The following TANC2 variants were observed in gnomAD, a reference collection of about 807,000 sequenced individuals.
TANC2 encodes the protein protein TANC2.
In TANC2, 26 loss-of-function variants were observed where a neutral mutation model predicts 210.5. The observed-to-expected ratio is 0.12, with a 90% CI of 0.09 to 0.17. The LOEUF (loss-of-function observed/expected upper bound fraction) is 0.17, where lower values mean the gene tolerates loss of function less well. Among genes scored for constraint, TANC2 ranks in the 10% least tolerant of loss-of-function variants. The pLI is 1.00. For synonymous variants in TANC2, 931 were observed against 967.1 expected (o/e 0.96, Z 0.69); for missense variants, 2,129 against 2,608.9 (o/e 0.82, Z 4.01).
chr17:63,026,931 C>G (rs940275693), intron 2 of TANC2, among the ~76,000 whole-genome samples: 4 of 152,120 alleles, frequency 2.6e-5, no homozygotes, highest in African/African-American at 9.7e-5. Flanking sequence ...TGCTGCATCC[C>G]TCCATGTTGG....
chr17:63,157,544 A>AT (rs2039880914), intron 5 of TANC2, among the ~76,000 whole-genome samples: 1 of 152,168 alleles, frequency 6.6e-6, no homozygotes. Context: ...CTGTGTTCAT[A>AT]TACCAGTTCT....
chr17:63,322,291 G>A (rs1441683318), intron 11 of TANC2, among the ~76,000 whole-genome samples: 2 of 152,196 alleles, frequency 1.3e-5, no homozygotes, highest in African/African-American at 4.8e-5. Context: ...AAGGTCAGGA[G>A]ATCGAGACCA....
In TANC2 at chr17:63,340,227, C is replaced by T. The variant is rs746776222; in HGVS notation, c.1702C>T (p.Arg568Trp). The T allele has an allele frequency of 2.2e-5, 35 of 1,613,806 alleles. No individual in the cohort carries two copies. Among genetic ancestry groups the T allele is most frequent in the Middle Eastern group, 1.6e-4 (1 of 6,084 alleles). The change falls in exon 12 of 28, where the codon CGG (arginine) becomes TGG (tryptophan). Residue 568 changes from arginine (R) to tryptophan (W), a missense_variant. By Grantham distance (101) the Arg-to-Trp change is moderately radical (BLOSUM62 -3). Coordinates refer to ENST00000689528, the Ensembl canonical transcript of TANC2. ...GACAGCCTATCGGGAGCAGCTTCTT[C>T]GGGAACCTCACCTGCAGAGCATGCT...
At chr17:63,187,203 C>A (rs536714158) in intron 5 of TANC2, among the ~76,000 whole-genome samples, 1 of 152,068 alleles carries the variant, frequency 6.6e-6, no homozygotes, top group Non-Finnish European at 1.5e-5. Context: ...TTGGAGATGA[C>A]GGTATAACTT....
intron 9 of TANC2, among the ~76,000 whole-genome samples, chr17:63,313,966 C>G (rs765703076): frequency 3.3e-5 from 5 of 152,150 alleles, no homozygotes; most frequent in Non-Finnish European, 7.3e-5. Context: ...CCTGGCCTTT[C>G]CAACAGGAAC....
chr17:63,423,194 G>C (rs1430446107), exon 28 of TANC2: 1 of 152,196 alleles, frequency 6.6e-6, no homozygotes, highest in African/African-American at 2.4e-5. Context: ...GTTTATGAGA[G>C]TGTGATATTT....
intron 5 of TANC2, among the ~76,000 whole-genome samples, chr17:63,162,362 A>G (rs985531942): frequency 1.3e-5 from 2 of 152,112 alleles, no homozygotes; most frequent in African/African-American, 2.4e-5. Context: ...ATTGTAATCA[A>G]TGAGTATAAA....
chr17:63,280,044 CAT>C (rs2044013445), intron 9 of TANC2, among the ~76,000 whole-genome samples: 1 of 152,076 alleles, frequency 6.6e-6, no homozygotes, highest in Non-Finnish European at 1.5e-5. Flanking sequence ...ACTCAATTCT[CAT>C]ATGTTTAAAA....
chr17:63,046,759 TA>T (rs1487569040), intron 2 of TANC2, among the ~76,000 whole-genome samples: 3 of 152,212 alleles, frequency 2.0e-5, no homozygotes, highest in African/African-American at 7.2e-5. Context: ...CATTTATGCA[TA>T]ACCAGTAAAG....
intron 7 of TANC2, among the ~76,000 whole-genome samples, chr17:63,215,757 T>G (rs371751203): frequency 3.5e-4 from 53 of 151,692 alleles, no homozygotes; most frequent in Middle Eastern, 3.4e-3. Flanking sequence ...TTATTATTAT[T>G]TTTTTTTTCT....
chr17:63,130,883 A>T (rs538180340), intron 4 of TANC2: 1 of 152,334 alleles, frequency 6.6e-6, no homozygotes, highest in Non-Finnish European at 1.5e-5. Context: ...CAAAGACACC[A>T]CTAAAATCCC....
At chr17:63,385,974 G>T (rs542979519) in intron 15 of TANC2, among the ~76,000 whole-genome samples, 6 of 152,154 alleles carry the variant, frequency 3.9e-5, no homozygotes, top group African/African-American at 1.4e-4. Flanking sequence ...GAGAGGATAC[G>T]TAGAAATAAT....
intron 3 of TANC2, among the ~76,000 whole-genome samples, chr17:63,098,545 A>G (rs1306572007): frequency 6.9e-6 from 1 of 143,926 alleles, no homozygotes; most frequent in Non-Finnish European, 1.5e-5. Flanking sequence ...GTAAAAATTT[A>G]TATATATATA....
chr17:63,175,053 TTGAG>T (rs1230909080), intron 5 of TANC2, among the ~76,000 whole-genome samples: 4 of 152,276 alleles, frequency 2.6e-5, no homozygotes, highest in Non-Finnish European at 4.4e-5. Context: ...TTTCCCCAAA[TTGAG>T]TGAACATAAT....
intron 5 of TANC2, among the ~76,000 whole-genome samples, chr17:63,178,305 C>G (rs1016623459): frequency 1.3e-5 from 2 of 152,086 alleles, no homozygotes; most frequent in Non-Finnish European, 2.9e-5. Context: ...TGCACTCCAG[C>G]CTGGGCGACA....
At chr17:63,187,491 T>C (rs1198227620) in intron 5 of TANC2, among the ~76,000 whole-genome samples, 1 of 152,120 alleles carries the variant, frequency 6.6e-6, no homozygotes, top group Non-Finnish European at 1.5e-5. Flanking sequence ...CTAGCTATTA[T>C]TATAGCTAAT....
intron 4 of TANC2, among the ~76,000 whole-genome samples, chr17:63,123,624 T>C (rs1390979654): frequency 1.3e-5 from 2 of 150,808 alleles, no homozygotes; most frequent in Non-Finnish European, 3.0e-5. Flanking sequence ...GGTTTTAAGC[T>C]GTAAATTTGG....
At chr17:63,276,846 A>G (rs2043891426) in intron 9 of TANC2, among the ~76,000 whole-genome samples, 1 of 152,166 alleles carries the variant, frequency 6.6e-6, no homozygotes, top group Non-Finnish European at 1.5e-5. Context: ...ACATATTCTT[A>G]TTTAATCCTC....
At chr17:63,404,783 C>G (rs969473237) in intron 19 of TANC2, among the ~76,000 whole-genome samples, 4 of 151,982 alleles carry the variant, frequency 2.6e-5, no homozygotes, top group Admixed American at 1.3e-4. Flanking sequence ...CACACGTAGA[C>G]TAACAGAGTT....
Sources: allele counts gnomAD v4.1 joint callset (sites outside exome capture counted in the v4.1 genomes callset), GRCh38; gene constraint gnomAD v4.1.1; transcripts MANE v1.5; gene names NCBI Gene and HGNC (gene_info 2026-07-23, HGNC 2026-07-21).